ARAP2: variants seen among roughly 807,000 people sequenced by gnomAD.
ARAP2 encodes arf-GAP with Rho-GAP domain, ANK repeat and PH domain-containing protein 2.
In ARAP2, 148 loss-of-function variants were observed where a neutral mutation model predicts 194.5. That is an observed-to-expected ratio of 0.76 (90% CI 0.67 to 0.87). The LOEUF (loss-of-function observed/expected upper bound fraction) is 0.87. Ranked by LOEUF, ARAP2 falls within the 40% of genes least tolerant of loss-of-function variation. The probability of loss-of-function intolerance (pLI) is 0.00; values close to 1 mark genes in which losing one functional copy is unlikely to be tolerated. For missense variants in ARAP2, 2,128 were observed against 1,989.7 expected (o/e 1.07, Z -1.32); for synonymous variants, 695 against 683.5 (o/e 1.02, Z -0.26).
chr4:36,154,425 T>C (rs576748425), intron 15 of ARAP2, among the ~76,000 whole-genome samples: 1 of 152,272 alleles, frequency 6.6e-6, no homozygotes, highest in South Asian at 2.1e-4. Flanking sequence ...AAATAGAATT[T>C]CTAGTAATCC....
intron 4 of ARAP2, among the ~76,000 whole-genome samples, 180 bp from the exon 5 acceptor site, chr4:36,212,667 T>G (rs1747020237): frequency 2.6e-5 from 1 of 38,132 alleles, no homozygotes; most frequent in Admixed American, 3.6e-4. Context: ...TAAACAGACT[T>G]TTGATTTTTT....
intron 15 of ARAP2, among the ~76,000 whole-genome samples, chr4:36,153,106 C>T (rs1731400877): frequency 1.3e-5 from 2 of 152,202 alleles, no homozygotes; most frequent in South Asian, 4.1e-4. Context: ...TGTACAAACT[C>T]ATTTTCAGTT....
At chr4:36,163,550 C>A (rs555182810) in intron 11 of ARAP2, among the ~76,000 whole-genome samples, 3 of 152,172 alleles carry the variant, frequency 2.0e-5, no homozygotes, top group Non-Finnish European at 2.9e-5. Flanking sequence ...CCTATGCACA[C>A]TACAACTTTT....
chr4:36,016,058 C>T (rs1357391965), intron 6 of ARAP2: 2 of 151,986 alleles, frequency 1.3e-5, no homozygotes, highest in East Asian at 3.9e-4. Flanking sequence ...TAAAGTCTGC[C>T]AAGTAGATAC....
chr4:36,210,810 G>A, intron 5 of ARAP2, 67 bp from the exon 6 acceptor site: 1 of 1,171,864 alleles, frequency 8.5e-7, no homozygotes, highest in Non-Finnish European at 1.2e-6. Flanking sequence ...GTGACATTTT[G>A]AAAATTTATA....
chr4:36,128,458 T>G, intron 21 of ARAP2, 75 bp downstream of exon 21: 1 of 1,111,730 alleles, frequency 9.0e-7, no homozygotes, highest in Non-Finnish European at 1.3e-6. Flanking sequence ...AAGGCAAGCA[T>G]GTATTATGGT....
chr4:36,159,992 G>T, intron 13 of ARAP2: 1 of 733,798 alleles, frequency 1.4e-6, no homozygotes, highest in Non-Finnish European at 1.7e-6. Flanking sequence ...CCCCTCAGGG[G>T]CCGAGGATAG....
chr4:36,167,088 A>C (rs200112447), intron 9 of ARAP2, 41 bp from the exon 10 acceptor site: 5 of 466,982 alleles, frequency 1.1e-5, no homozygotes, highest in South Asian at 4.6e-5. Flanking sequence ...AAGAAACAAA[A>C]AAAAAGATTT....
intron 1 of ARAP2, among the ~76,000 whole-genome samples, chr4:36,231,347 A>T (rs1751423140): frequency 6.6e-6 from 1 of 151,982 alleles, no homozygotes; most frequent in African/African-American, 2.4e-5. Context: ...AAATAAATAA[A>T]TAAATAAATA....
chr4:36,022,799 A>G (rs1422785600), intron 5 of ARAP2, among the ~76,000 whole-genome samples: 1 of 152,228 alleles, frequency 6.6e-6, no homozygotes, highest in Non-Finnish European at 1.5e-5. Flanking sequence ...CATTTTGATC[A>G]GTGAACAAGG....
At chr4:36,194,719 C>G (rs1318913090) in intron 6 of ARAP2, among the ~76,000 whole-genome samples, 1 of 151,964 alleles carries the variant, frequency 6.6e-6, no homozygotes, top group East Asian at 1.9e-4. Flanking sequence ...AAAATTATAC[C>G]AAATCTGATC....
At chr4:36,193,380 T>C (rs1742375919) in intron 7 of ARAP2, among the ~76,000 whole-genome samples, 198 bp downstream of exon 7, 1 of 152,216 alleles carries the variant, frequency 6.6e-6, no homozygotes, top group Admixed American at 6.5e-5. Context: ...ATTAGTGTGT[T>C]AAGAGAAAGT....
chr4:36,128,720 T>C lies in ARAP2; in HGVS notation c.3453A>G (p.Gln1151=). The change falls in exon 21 of 33, where the codon CAA becomes CAG. Residue 1151 remains glutamine, a synonymous_variant. Coordinates refer to ENST00000303965, the MANE Select transcript of ARAP2 (RefSeq NM_015230.4). The stretch of plus-strand genomic sequence containing the variant: ...TTATATGCAAAGGATCACCATTCTT[T>C]TGATAGATATATTTGCATCCTAAAC... ...QYGLGCKYIY[Q]KNGDPLHISE... is the part of the protein sequence containing the mutation. 6.2e-7 allele frequency: 1 copy of C among 1,610,380 alleles called. No homozygotes were observed.
At chr4:36,121,627 A>C (rs1722699987) in intron 22 of ARAP2, among the ~76,000 whole-genome samples, 1 of 151,728 alleles carries the variant, frequency 6.6e-6, no homozygotes, top group African/African-American at 2.4e-5. Flanking sequence ...CCTGTGGCCA[A>C]AGTATAGAAG....
chr4:36,122,521 AC>A (rs1248211808), intron 22 of ARAP2, among the ~76,000 whole-genome samples: 4 of 151,846 alleles, frequency 2.6e-5, no homozygotes, highest in African/African-American at 9.7e-5. Context: ...GGAACAGAAA[AC>A]CAAATACTGT....
At chr4:36,117,634 C>T (rs1432633917) in intron 24 of ARAP2, among the ~76,000 whole-genome samples, 1 of 151,632 alleles carries the variant, frequency 6.6e-6, no homozygotes, top group East Asian at 1.9e-4. Context: ...GAAAATTGAA[C>T]TTTGAGGATA....
intron 21 of ARAP2, among the ~76,000 whole-genome samples, chr4:36,127,865 G>T (rs6531412): frequency 0.84 from 127,843 of 151,918 alleles, 53,824 homozygotes; most frequent in Middle Eastern, 0.88. Context: ...AAGGTGGAAT[G>T]AAAGGCAATG....
rs201448458 is a variant in ARAP2, at chr4:36,119,405, A to AT, written c.3963+244dup. 5.6e-3 allele frequency among the ~76,000 whole-genome samples: 856 copies of AT among 151,614 alleles called. 4 individuals carry two copies. Among genetic ancestry groups the AT allele is most frequent in the South Asian group, 0.017 (83 of 4,828 alleles). On this transcript the variant is annotated intron_variant, in intron 24 of 32. Coordinates refer to ENST00000303965, the MANE Select transcript of ARAP2 (RefSeq NM_015230.4). The stretch of plus-strand genomic sequence containing the variant: ...GTCATGGTTTTATACACAAAAGTTG[A>AT]TTTTATAAAGAAAACCTTGAAAGGT...
intron 32 of ARAP2, among the ~76,000 whole-genome samples, chr4:36,069,220 A>G (rs1726236454): frequency 6.6e-6 from 1 of 152,208 alleles, no homozygotes; most frequent in South Asian, 2.1e-4. Context: ...CAAGTGGAAT[A>G]AAAATATTTT....
Sources: gnomAD v4.1 joint callset for allele counts (sites outside exome capture counted in the v4.1 genomes callset) on GRCh38, gnomAD v4.1.1 for gene constraint, MANE v1.5 for transcripts, NCBI Gene and HGNC (gene_info 2026-07-23, HGNC 2026-07-21) for gene names.